The following SFPQ variants were observed in gnomAD, a reference collection of about 807,000 sequenced individuals.
SFPQ encodes splicing factor proline and glutamine rich, also known as splicing factor, proline- and glutamine-rich.
Under a neutral mutation model 72.9 loss-of-function variants are expected in SFPQ, and 11 were observed. That is an observed-to-expected ratio of 0.15 (90% CI 0.09 to 0.25). SFPQ has a LOEUF of 0.25. Among genes scored for constraint, SFPQ ranks in the 10% least tolerant of loss-of-function variants. The pLI is 1.00. For synonymous variants in SFPQ, 506 were observed against 367.3 expected, an observed-to-expected ratio of 1.38 and a Z score of -4.32; for missense variants, 847 against 993.3, an observed-to-expected ratio of 0.85 and a Z score of 1.98.
At chr1:35,188,222 G>A (rs995754017) in intron 6 of SFPQ, 132 bp from the exon 7 acceptor site, 18 of 691,518 alleles carry the variant, frequency 2.6e-5, no homozygotes, top group East Asian at 9.9e-5. Flanking sequence ...TGAGCCTAGG[G>A]GCATAGTACT....
At chr1:35,189,154 T>C (rs759621238) in intron 5 of SFPQ, 32 bp downstream of exon 5, 6 of 1,613,526 alleles carry the variant, frequency 3.7e-6, no homozygotes, top group African/African-American at 1.3e-5. Flanking sequence ...CAATTGACCT[T>C]AGCAATGATG....
At chr1:35,179,845 A>G (rs1231207883), downstream of SFPQ, 7 of 1,053,842 alleles carry the variant, frequency 6.6e-6, no homozygotes, top group East Asian at 3.8e-4. Context: ...AAACCACGGC[A>G]GCAAGCACTG....
intron 7 of SFPQ, 143 bp downstream of exon 7, chr1:35,187,830 C>CA: frequency 1.5e-6 from 1 of 653,080 alleles, no homozygotes; most frequent in South Asian, 1.9e-5. Flanking sequence ...CTGACCCATA[C>CA]AAGGAAATCA....
chr1:35,179,278 A>G (rs1639371275), downstream of SFPQ: 1 of 1,060,178 alleles, frequency 9.4e-7, no homozygotes, highest in African/African-American at 1.6e-5. Flanking sequence ...TTAAAAGTCC[A>G]AAACTAGTCA....
chr1:35,177,931 A>T, intron 4 of SFPQ: 1 of 797,832 alleles, frequency 1.3e-6, no homozygotes, highest in Non-Finnish European at 1.7e-6. Flanking sequence ...ATCTAAATGA[A>T]ATTATTTAAA....
intron 5 of SFPQ, among the ~76,000 whole-genome samples, chr1:35,176,789 G>C (rs1444184679): frequency 6.6e-6 from 1 of 151,692 alleles, no homozygotes; most frequent in Non-Finnish European, 1.5e-5. Flanking sequence ...CAGGAGAATG[G>C]CGTGAACCCA....
In SFPQ at chr1:35,192,824, G is replaced by C; in HGVS notation, c.226C>G (p.Gln76Glu). The C allele has an allele frequency of 6.6e-7, 1 of 1,512,796 alleles. No homozygotes were observed. 93.7% of individuals were successfully genotyped at this position (1,512,796 alleles called of 1,614,324 possible). Reference sequence around the variant, plus strand: ...GGTGGCGGCTGCTGCGGCGGTGGCTGCTGCGGTGGTGGCTGTTGCTGCTGT... The same window carrying C: ...GGTGGCGGCTGCTGCGGCGGTGGCTCCTGCGGTGGTGGCTGTTGCTGCTGT... ...HQQQQQPPPQ[Q>E]PPPQQPPPHQ... The change falls in exon 1 of 10, where the codon CAG (glutamine) becomes GAG (glutamate). Residue 76 changes from glutamine to glutamate, a missense_variant. Physicochemically the swap from Gln to Glu is conservative, Grantham distance 29. Around this residue, in one of 6 missense-constraint regions of SFPQ, gnomAD observed 498 missense variants for 405.1 expected, o/e 1.23. Coordinates refer to ENST00000357214, the MANE Select transcript of SFPQ (RefSeq NM_005066.3).
chr1:35,184,238 AG>A lies in SFPQ; in HGVS notation c.*217del, dbSNP rs1452795954. 9.1e-6 allele frequency: 12 copies of A among 1,320,346 alleles called. No homozygotes were observed. The highest frequency in any genetic ancestry group is 2.8e-4 in the Middle Eastern group (1 of 3,588). The allele number at this position is 1,320,346 out of a possible 1,614,324, so 81.8% of individuals were successfully genotyped here. A position where few individuals can be genotyped will look rare whatever the true frequency, so the allele number is the denominator to read the frequency against. ...CTTGAGGGACATTATACAGTAAAAAAGAAAAAATAAAGAAATAAAAAGGAAA... is the reference window on the plus strand; with the variant it reads ...CTTGAGGGACATTATACAGTAAAAAAAAAAAATAAAGAAATAAAAAGGAAA... On this transcript the variant is annotated 3_prime_UTR_variant, in exon 10 of 10. Transcript: ENST00000357214.
Position 35,183,919 on chromosome 1 carries a change from AATC to A in SFPQ, c.*534_*536del. The A allele has an allele frequency of 1.9e-6, 2 of 1,050,936 alleles. No homozygotes were observed. Among genetic ancestry groups the A allele is most frequent in the Non-Finnish European group, 2.3e-6 (2 of 870,096 alleles). The allele number at this position is 1,050,936 out of a possible 1,614,324, so 65.1% of individuals were successfully genotyped here. A position where few individuals can be genotyped will look rare whatever the true frequency, so the allele number is the denominator to read the frequency against. On this transcript the variant is annotated 3_prime_UTR_variant, in exon 10 of 10. Transcript: ENST00000357214. Reference sequence around the variant, plus strand: ...CAGCGTGCTTCCTATATGCCAAACAAATCATCAAACTACTTCAATATGCATTTC... The same window carrying A: ...CAGCGTGCTTCCTATATGCCAAACAAATCAAACTACTTCAATATGCATTTC...
Position 35,189,325 on chromosome 1 carries a change from A to C in SFPQ, c.1473T>G (p.Ser491=). ...AQHGTFEYEY[S]QRWKSLDEME... ...TTTCATCCAAAGACTTCCATCGCTG[A>C]GAATATTCGTACTCAAACGTGCCAT... Residue 491 remains serine (S), a synonymous_variant, in exon 5 of 10, where the codon TCT becomes TCG. Coordinates refer to ENST00000357214, the MANE Select transcript of SFPQ (RefSeq NM_005066.3). The C allele has an allele frequency of 6.2e-7, 1 of 1,614,056 alleles. No individual in the cohort carries two copies.
In SFPQ at chr1:35,183,099, GCT is replaced by G. The variant is rs1639538554; in HGVS notation, c.*1355_*1356del. Reference sequence around the variant, plus strand: ...CCCTATTTGTTAACAATCACCACTAGCTCTTAGAAGAGAACCAATAGATTTTT... The same window carrying G: ...CCCTATTTGTTAACAATCACCACTAGCTTAGAAGAGAACCAATAGATTTTT... On this transcript the variant is annotated 3_prime_UTR_variant, in exon 10 of 10. Transcript: ENST00000357214. 9.7e-7 allele frequency: 1 copy of G among 1,028,742 alleles called. No homozygotes were observed. 63.7% of individuals were successfully genotyped at this position (1,028,742 alleles called of 1,614,324 possible).
downstream of SFPQ, chr1:35,181,896 T>C (rs1457631917): frequency 5.1e-6 from 5 of 985,226 alleles, no homozygotes; most frequent in Non-Finnish European, 6.0e-6. Context: ...ATTGCTGTTT[T>C]AGTGATGAAA....
At position 35,189,008 on chromosome 1, in the gene SFPQ, T is replaced by A. The variant is rs202231775; in HGVS notation, c.1692A>T (p.Gln564His). Residue 564 changes from glutamine to histidine, a missense_variant, in exon 6 of 10, where the codon CAA becomes CAT. Physicochemically the swap from Gln to His is conservative, Grantham distance 24. This residue lies in a region of SFPQ where 132 missense variants were observed against 255.4 expected (regional missense o/e 0.52). Transcript: ENST00000357214. ...AACCTTAAACACAATTTTACCTCAA[T>A]TGCATTTCTTTACGTTTCTGCATTT... ...NQEMQKRKEM[Q>H]LRQEEERRRR... The A allele has an allele frequency of 6.2e-7, 1 of 1,609,766 alleles. No individual in the cohort carries two copies. Among genetic ancestry groups the A allele is most frequent in the East Asian group, 2.2e-5 (1 of 44,870 alleles).
intron 9 of SFPQ, among the ~76,000 whole-genome samples, 190 bp from the exon 10 acceptor site, chr1:35,184,783 G>T (rs1221881024): frequency 6.6e-6 from 1 of 152,224 alleles, no homozygotes; most frequent in Non-Finnish European, 1.5e-5. Context: ...ATGCCTTGTG[G>T]TATGTTCCCA....
downstream of SFPQ, chr1:35,178,454 C>G (rs904731374): frequency 9.4e-7 from 1 of 1,063,896 alleles, no homozygotes; most frequent in African/African-American, 1.6e-5. Flanking sequence ...CATTGTCAGG[C>G]AGGCTGACCA....
At chr1:35,176,790 C>T (rs999210758) in intron 5 of SFPQ, among the ~76,000 whole-genome samples, 6 of 150,820 alleles carry the variant, frequency 4.0e-5, no homozygotes, top group Admixed American at 2.0e-4. Context: ...AGGAGAATGG[C>T]GTGAACCCAG....
chr1:35,178,749 T>C (rs542452471), downstream of SFPQ: 1 of 1,054,166 alleles, frequency 9.5e-7, no homozygotes, highest in Admixed American at 5.4e-5. Flanking sequence ...CCTCCCTGAA[T>C]GATTACTGCA....
chr1:35,189,492 G>A (rs940776249), intron 4 of SFPQ, 110 bp from the exon 5 acceptor site: 9 of 836,670 alleles, frequency 1.1e-5, no homozygotes, highest in African/African-American at 3.4e-5. Context: ...GAGTACAAAA[G>A]GCAAAAATTT....
At chr1:35,189,752 CCA>C (rs1276170102) in intron 4 of SFPQ, among the ~76,000 whole-genome samples, 1 of 151,960 alleles carries the variant, frequency 6.6e-6, no homozygotes, top group Non-Finnish European at 1.5e-5. Context: ...AGTTTAAGAC[CCA>C]TCTGGCCAAC....
Sources: gnomAD v4.1 joint callset for allele counts (sites outside exome capture counted in the v4.1 genomes callset) on GRCh38, gnomAD v4.1.1 for gene constraint, gnomAD v4.1.1 regional missense constraint, MANE v1.5 for transcripts, NCBI Gene and HGNC (gene_info 2026-07-23, HGNC 2026-07-21) for gene names.